Variants in SNRPN observed in about 807,000 individuals in gnomAD.
SNRPN encodes small nuclear ribonucleoprotein-associated protein N.
In SNRPN, 7 loss-of-function variants were observed where a neutral mutation model predicts 25.2. The ratio of observed to expected loss-of-function variants is 0.28; its 90% CI spans 0.16 to 0.52. The LOEUF is 0.52. SNRPN is among the 20% of genes least tolerant of loss of function. The probability of loss-of-function intolerance (pLI) is 0.96; values close to 1 mark genes in which losing one functional copy is unlikely to be tolerated. For synonymous variants in SNRPN, 124 were observed against 110.6 expected, an observed-to-expected ratio of 1.12 and a Z score of -0.76; for missense variants, 196 against 322.5, an observed-to-expected ratio of 0.61 and a Z score of 3.00.
intron 3 of SNRPN, 80 bp from the exon 4 acceptor site, chr15:24,974,231 A>C: frequency 1.7e-6 from 1 of 574,212 alleles, no homozygotes; most frequent in Non-Finnish European, 3.2e-6. Context: ...TGTCTGTCAT[A>C]GTGATTTTCA....
rs1315978968 is a variant in SNRPN, at chr15:24,976,401, G to T, written c.252G>T (p.Gly84=). ...ACTTGGTATCCATGACTGTGGAGGGGCCACCCCCCAAAGATGTAAGGAAGA... is the reference window on the plus strand; with the variant it reads ...ACTTGGTATCCATGACTGTGGAGGGTCCACCCCCCAAAGATGTAAGGAAGA... ...GENLVSMTVE[G]PPPKDTGIAR... The change falls in exon 6 of 10, where the codon GGG becomes GGT. Residue 84 remains glycine, a synonymous_variant. Transcript: ENST00000390687. The T allele has an allele frequency of 6.2e-7, 1 of 1,609,494 alleles. No individual in the cohort carries two copies. The highest frequency in any genetic ancestry group is 1.1e-5 in the South Asian group (1 of 90,408).
At chr15:24,824,548 T>C (rs2049943597) in intron 1 of SNRPN, among the ~76,000 whole-genome samples, 1 of 152,154 alleles carries the variant, frequency 6.6e-6, no homozygotes, top group East Asian at 1.9e-4. Flanking sequence ...GGAAATGTCA[T>C]ACATCTTCAA....
chr15:24,891,171 T>TA (rs2057635295), intron 2 of SNRPN, among the ~76,000 whole-genome samples: 1 of 151,066 alleles, frequency 6.6e-6, no homozygotes, highest in African/African-American at 2.4e-5. Context: ...TTCGCCTCCT[T>TA]AAATGCTGGG....
chr15:24,951,513 CTTT>C (rs34222681), upstream of SNRPN, among the ~76,000 whole-genome samples: 1 of 143,620 alleles, frequency 7.0e-6, no homozygotes, highest in Admixed American at 7.0e-5. Flanking sequence ...AATAGTAACA[CTTT>C]TTTTTTTTTT....
At chr15:24,913,338 G>A (rs1008793045) in intron 2 of SNRPN, among the ~76,000 whole-genome samples, 1 of 151,786 alleles carries the variant, frequency 6.6e-6, no homozygotes, top group African/African-American at 2.4e-5. Context: ...AAGGAATCAT[G>A]CCCACTCAAG....
At chr15:24,922,343 G>A (rs2060082035) in intron 3 of SNRPN, among the ~76,000 whole-genome samples, 1 of 152,208 alleles carries the variant, frequency 6.6e-6, no homozygotes, top group Non-Finnish European at 1.5e-5. Context: ...TCACTGACAT[G>A]AAACCCAGAA....
chr15:24,899,344 C>A (rs1244653837), intron 2 of SNRPN, among the ~76,000 whole-genome samples: 1 of 152,148 alleles, frequency 6.6e-6, no homozygotes, highest in Admixed American at 6.5e-5. Flanking sequence ...CCTTTTAGAT[C>A]AAAATTAATC....
Position 24,846,802 on chromosome 15 carries a change from T to C in SNRPN, c.-579+16897T>C, listed in dbSNP as rs141069214. ...TTTGTTCTGTGTCAATAAGTTAGGA[T>C]TTTTATAGTTTTCTAAGGTTCTATT... On this transcript the variant is annotated intron_variant, in intron 2 of 12. Coordinates refer to the SNRPN transcript ENST00000400100. Among the ~76,000 whole-genome samples, 486 of 152,300 alleles carry C rather than the reference T, an allele frequency of 3.2e-3. 2 individuals carry two copies. The highest frequency in any genetic ancestry group is 0.011 in the African/African-American group (450 of 41,566).
chr15:24,938,196 A>G (rs1596026369), intron 3 of SNRPN, among the ~76,000 whole-genome samples: 2 of 150,692 alleles, frequency 1.3e-5, no homozygotes, highest in South Asian at 2.1e-4. Flanking sequence ...GCTCACTGCA[A>G]CCTCCACCTC....
chr15:24,825,358 G>A (rs1440785961), intron 1 of SNRPN, among the ~76,000 whole-genome samples: 1 of 151,838 alleles, frequency 6.6e-6, no homozygotes, highest in Non-Finnish European at 1.5e-5. Flanking sequence ...TGAAGGACAA[G>A]GGAAAGATGA....
chr15:24,841,440 G>A (rs754973792), intron 2 of SNRPN, among the ~76,000 whole-genome samples: 1 of 152,050 alleles, frequency 6.6e-6, no homozygotes, highest in Non-Finnish European at 1.5e-5. Flanking sequence ...TAAGCATCAC[G>A]GGCCACCAGT....
rs560027354 is a variant in SNRPN, at chr15:24,973,489, C to T, written c.-143-822C>T. On this transcript the variant is annotated intron_variant, in intron 3 of 9. Coordinates refer to ENST00000390687, the MANE Select transcript of SNRPN (RefSeq NM_003097.6). ...CTCAGCTCACTGCAACCTCTGCCTC[C>T]CAGGTTCAAGCGATTCTCCTACCTC... 5.3e-5 allele frequency among the ~76,000 whole-genome samples: 8 copies of T among 152,232 alleles called. No individual in the cohort carries two copies. In the South Asian group the frequency reaches 1.5e-3, roughly 28 times the overall value.
At chr15:24,863,323 G>T (rs1300025823) in intron 1 of SNRPN, among the ~76,000 whole-genome samples, 2 of 150,664 alleles carry the variant, frequency 1.3e-5, no homozygotes, top group Non-Finnish European at 1.5e-5. Flanking sequence ...AGATAAGGGG[G>T]GTTCCCAGCT....
intron 3 of SNRPN, among the ~76,000 whole-genome samples, chr15:24,933,075 A>G (rs2060984980): frequency 6.6e-6 from 1 of 152,146 alleles, no homozygotes; most frequent in Non-Finnish European, 1.5e-5. Flanking sequence ...CAGCCTGGGC[A>G]ACACAGGGAG....
At position 24,976,369 on chromosome 15, in the gene SNRPN, G is replaced by C. The variant is rs1223517810; in HGVS notation, c.220G>C (p.Gly74Arg). 3 of 1,613,424 alleles carry C rather than the reference G, an allele frequency of 1.9e-6. No homozygotes were observed. The highest frequency in any genetic ancestry group is 2.5e-6 in the Non-Finnish European group (3 of 1,179,816). ...KRVLGLVLLR[G>R]ENLVSMTVEG... ...GGTTTTGGGTCTGGTGTTGCTGCGT[G>C]GGGAGAACTTGGTATCCATGACTGT... The change falls in exon 6 of 10, where the codon GGG becomes CGG. Residue 74 changes from glycine to arginine, a missense_variant. Physicochemically the swap from Gly to Arg is moderately radical, Grantham distance 125. Coordinates refer to ENST00000390687, the MANE Select transcript of SNRPN (RefSeq NM_003097.6).
upstream of SNRPN, among the ~76,000 whole-genome samples, chr15:24,852,986 CAG>C: frequency 6.6e-6 from 1 of 152,162 alleles, no homozygotes; most frequent in South Asian, 2.1e-4. Flanking sequence ...TTTTAAAAAT[CAG>C]GTAATGACAA....
intron 3 of SNRPN, among the ~76,000 whole-genome samples, chr15:24,925,788 C>T (rs1246752978): frequency 2.6e-5 from 4 of 151,416 alleles, no homozygotes; most frequent in African/African-American, 7.3e-5. Context: ...CTTGCCCAGG[C>T]TGGAGTGCAG....
chr15:24,910,587 C>A (rs570333462), intron 2 of SNRPN, among the ~76,000 whole-genome samples: 1 of 152,172 alleles, frequency 6.6e-6, no homozygotes, highest in Non-Finnish European at 1.5e-5. Context: ...TGCCTCCTCC[C>A]GGGTTCAAGT....
chr15:24,954,962 C>A, upstream of SNRPN: 1 of 1,586,464 alleles, frequency 6.3e-7, no homozygotes, highest in Non-Finnish European at 8.6e-7. Context: ...TGTGCGAAGC[C>A]TGCCGCTGCT....
Sources: gnomAD v4.1 joint callset for allele counts (sites outside exome capture counted in the v4.1 genomes callset) on GRCh38, gnomAD v4.1.1 for gene constraint, MANE v1.5 for transcripts, NCBI Gene and HGNC (gene_info 2026-07-23, HGNC 2026-07-21) for gene names.